Variants in KLHL1 observed in about 807,000 individuals in gnomAD.
The protein encoded by KLHL1 is kelch-like protein 1.
In KLHL1, 47 loss-of-function variants were observed where a neutral mutation model predicts 77.7. The observed-to-expected ratio is 0.60, with a 90% confidence interval of 0.48 to 0.77. The LOEUF (loss-of-function observed/expected upper bound fraction) is 0.77. Among genes scored for constraint, KLHL1 ranks in the 30% least tolerant of loss-of-function variants. The pLI, the probability that KLHL1 is intolerant of heterozygous loss-of-function variation, is 0.00. For missense variants in KLHL1, 925 were observed against 910.8 expected (o/e 1.02, Z -0.20); for synonymous variants, 360 against 325.2 (o/e 1.11, Z -1.15).
At chr13:69,744,258 A>G (rs1164900674) in intron 7 of KLHL1, among the ~76,000 whole-genome samples, 1 of 152,102 alleles carries the variant, frequency 6.6e-6, no homozygotes, top group Non-Finnish European at 1.5e-5. Flanking sequence ...AGCTTTTGGT[A>G]TTTGTAAAGT....
At chr13:69,855,321 TA>T (rs1879849047) in intron 5 of KLHL1, among the ~76,000 whole-genome samples, 1 of 143,548 alleles carries the variant, frequency 7.0e-6, no homozygotes, top group East Asian at 2.0e-4. Context: ...GATAGATAGA[TA>T]GATAGATAGA....
At chr13:69,847,143 T>G (rs1251026882) in intron 5 of KLHL1, among the ~76,000 whole-genome samples, 1 of 151,442 alleles carries the variant, frequency 6.6e-6, no homozygotes, top group African/African-American at 2.4e-5. Context: ...TTTACAATAC[T>G]ATCATAAGTA....
chr13:69,945,246 T>C (rs954636840), intron 3 of KLHL1, among the ~76,000 whole-genome samples: 1 of 152,044 alleles, frequency 6.6e-6, no homozygotes, highest in Admixed American at 6.6e-5. Flanking sequence ...GTGCTGGGAT[T>C]ACATGCGTGA....
intron 4 of KLHL1, among the ~76,000 whole-genome samples, chr13:69,925,982 A>C (rs932399187): frequency 6.6e-6 from 1 of 152,254 alleles, no homozygotes; most frequent in Non-Finnish European, 1.5e-5. Context: ...AATCAAATAC[A>C]ATACATATGC....
At chr13:69,743,723 T>C (rs201352752) in intron 7 of KLHL1, among the ~76,000 whole-genome samples, 2 of 151,062 alleles carry the variant, frequency 1.3e-5, no homozygotes, top group African/African-American at 4.9e-5. Context: ...GAGGCAGAGG[T>C]TGCAGTGAGC....
chr13:69,980,021 C>T (rs60156512), intron 1 of KLHL1, among the ~76,000 whole-genome samples: 23,148 of 152,080 alleles, frequency 0.15, 3,748 homozygotes, highest in African/African-American at 0.41. Context: ...AGGACATCAG[C>T]GTCTTTGTTG....
intron 6 of KLHL1, 90 bp downstream of exon 6, chr13:69,838,886 G>T: frequency 2.6e-6 from 2 of 764,376 alleles, no homozygotes; most frequent in Non-Finnish European, 1.9e-6. Flanking sequence ...CTGAGTTTAT[G>T]TCATTTTTTG....
At chr13:69,827,718 A>G (rs924164402) in intron 6 of KLHL1, among the ~76,000 whole-genome samples, 3 of 142,148 alleles carry the variant, frequency 2.1e-5, no homozygotes, top group African/African-American at 8.2e-5. Context: ...CGACAGAGCG[A>G]GACCCTGTCT....
intron 1 of KLHL1, among the ~76,000 whole-genome samples, chr13:70,083,661 C>T (rs1230956396): frequency 1.3e-5 from 2 of 151,766 alleles, no homozygotes; most frequent in Non-Finnish European, 2.9e-5. Flanking sequence ...AAAATAATTG[C>T]CTAAATTAAG....
intron 10 of KLHL1, among the ~76,000 whole-genome samples, chr13:69,707,017 C>T (rs1875658259): frequency 6.6e-6 from 1 of 151,932 alleles, no homozygotes; most frequent in African/African-American, 2.4e-5. Flanking sequence ...CATGTTACTC[C>T]AACTTCCTGG....
intron 7 of KLHL1, among the ~76,000 whole-genome samples, chr13:69,762,577 A>G (rs1875080189): frequency 6.6e-6 from 1 of 151,140 alleles, no homozygotes; most frequent in Admixed American, 6.6e-5. Flanking sequence ...TTTGAATCTT[A>G]GGCTCATAAT....
intron 3 of KLHL1, 52 bp from the exon 4 acceptor site, chr13:69,940,288 A>G: frequency 7.2e-7 from 1 of 1,383,766 alleles, no homozygotes; most frequent in African/African-American, 1.5e-5. Flanking sequence ...ATGAAATAAT[A>G]TGTATCATAA....
chr13:69,884,644 C>T, intron 4 of KLHL1, among the ~76,000 whole-genome samples: 1 of 152,080 alleles, frequency 6.6e-6, no homozygotes, highest in Non-Finnish European at 1.5e-5. Flanking sequence ...CTGTTCAAGG[C>T]ATATTTCATT....
intron 9 of KLHL1, 129 bp from the exon 10 acceptor site, chr13:69,707,925 A>C: frequency 1.6e-6 from 1 of 637,688 alleles, no homozygotes; most frequent in Non-Finnish European, 2.6e-6. Context: ...AGGCTCAATC[A>C]TTTGAGCAGG....
chr13:69,767,959 T>G (rs1875386057), intron 7 of KLHL1, among the ~76,000 whole-genome samples: 1 of 152,200 alleles, frequency 6.6e-6, no homozygotes, highest in Admixed American at 6.5e-5. Context: ...TTTTTCAAAT[T>G]ATATCAAAGA....
intron 1 of KLHL1, among the ~76,000 whole-genome samples, chr13:70,057,777 CGT>C (rs1886781987): frequency 1.4e-5 from 1 of 71,664 alleles, no homozygotes; most frequent in African/African-American, 5.0e-5. Flanking sequence ...AGCGAGACTC[CGT>C]CTCAAAAAAA....
intron 7 of KLHL1, among the ~76,000 whole-genome samples, chr13:69,773,364 T>C (rs2137986854): frequency 6.6e-6 from 1 of 152,224 alleles, no homozygotes; most frequent in African/African-American, 2.4e-5. Context: ...CAGTACTCTG[T>C]GAATTCACTT....
intron 6 of KLHL1, among the ~76,000 whole-genome samples, chr13:69,835,356 A>C (rs898355339): frequency 6.6e-6 from 1 of 152,184 alleles, no homozygotes; most frequent in African/African-American, 2.4e-5. Flanking sequence ...TTTCAAGGGC[A>C]TAGTCAAATA....
At chr13:70,069,387 A>AC (rs1403574409) in intron 1 of KLHL1, among the ~76,000 whole-genome samples, 1 of 152,222 alleles carries the variant, frequency 6.6e-6, no homozygotes, top group Non-Finnish European at 1.5e-5. Flanking sequence ...ATCAAGAGAA[A>AC]CATAAAGCCT....
Sources: allele counts gnomAD v4.1 joint callset (sites outside exome capture counted in the v4.1 genomes callset), GRCh38; gene constraint gnomAD v4.1.1; transcripts MANE v1.5; gene names NCBI Gene and HGNC (gene_info 2026-07-23, HGNC 2026-07-21).